The following DLGAP1 variants were observed in gnomAD, a reference collection of about 807,000 sequenced individuals.
DLGAP1 encodes the protein DLG associated protein 1.
A neutral mutation model predicts 90.8 loss-of-function variants in DLGAP1; 11 were observed. The observed-to-expected ratio is 0.12, with a 90% CI of 0.08 to 0.20. DLGAP1 has a LOEUF of 0.20. Ranked by LOEUF, DLGAP1 falls within the 10% of genes least tolerant of loss-of-function variation. The pLI is 1.00. For synonymous variants in DLGAP1, 558 were observed against 540.7 expected (o/e 1.03, Z -0.44); for missense variants, 1,050 against 1,333.8 (o/e 0.79, Z 3.31).
intron 7 of DLGAP1, among the ~76,000 whole-genome samples, chr18:3,601,045 T>TAG (rs1568280587): frequency 8.9e-5 from 13 of 145,718 alleles, no homozygotes; most frequent in African/African-American, 3.3e-4. Context: ...GAGATAAAGA[T>TAG]ATAGATAGAT....
intron 1 of DLGAP1, among the ~76,000 whole-genome samples, chr18:4,420,910 G>A (rs1284062613): frequency 1.3e-5 from 2 of 152,086 alleles, no homozygotes; most frequent in Non-Finnish European, 2.9e-5. Context: ...GGTACCCTTA[G>A]TATCTCTCTT....
At chr18:4,099,270 GTCTATCTA>G (rs145071677) in intron 2 of DLGAP1, among the ~76,000 whole-genome samples, 25 of 148,010 alleles carry the variant, frequency 1.7e-4, no homozygotes, top group Non-Finnish European at 2.7e-4. Context: ...CTGTCTGTCT[GTCTATCTA>G]TCTATCTATC....
At chr18:4,336,289 T>C (rs1371353858) in intron 1 of DLGAP1, among the ~76,000 whole-genome samples, 1 of 152,218 alleles carries the variant, frequency 6.6e-6, no homozygotes, top group Non-Finnish European at 1.5e-5. Flanking sequence ...CCCAGAAATC[T>C]AATGTGGTCC....
chr18:3,750,783 G>T (rs781693980), intron 5 of DLGAP1, among the ~76,000 whole-genome samples: 8 of 152,060 alleles, frequency 5.3e-5, no homozygotes, highest in African/African-American at 1.9e-4. Context: ...GCATGCCCTC[G>T]CAAGTTTCAT....
chr18:3,742,425 C>T lies in DLGAP1; in HGVS notation c.1260G>A (p.Leu420=). ...AVSEVSINRS[L]DSLDPAGLLT... is the part of the protein sequence containing the mutation. ...GCAAGCCTGCAGGGTCCAGGCTGTC[C>T]AGGCTCCGGTTGATGGAGACTTCAC... is the stretch of plus-strand genomic sequence containing the variant. The change falls in exon 6 of 13, where the codon CTG becomes CTA. Residue 420 remains leucine, a synonymous_variant. Transcript: ENST00000315677. 1 of 1,614,172 alleles carries T rather than the reference C, an allele frequency of 6.2e-7. No homozygotes were observed. Among genetic ancestry groups the T allele is most frequent in the Non-Finnish European group, 8.5e-7 (1 of 1,180,036 alleles).
At chr18:4,021,281 G>A (rs2074604288) in intron 2 of DLGAP1, among the ~76,000 whole-genome samples, 1 of 152,182 alleles carries the variant, frequency 6.6e-6, no homozygotes, top group Non-Finnish European at 1.5e-5. Flanking sequence ...CTGGTGGGAG[G>A]TACTTGGGTC....
At chr18:3,567,066 A>ATTCT in intron 9 of DLGAP1, among the ~76,000 whole-genome samples, 1 of 144,222 alleles carries the variant, frequency 6.9e-6, no homozygotes, top group East Asian at 2.0e-4. Context: ...TCATTCATTC[A>ATTCT]TTCATCATTC....
chr18:3,551,580 CTTTTCTTTCTTTCTTTTTCT>C (rs1260907221), intron 9 of DLGAP1, among the ~76,000 whole-genome samples: 1 of 148,536 alleles, frequency 6.7e-6, no homozygotes, highest in Non-Finnish European at 1.5e-5. Flanking sequence ...GAACACTTTT[CTTTTCTTTCTTTCTTTTTCT>C]TTTTCTTTCT....
At chr18:3,988,178 G>T (rs776002219) in intron 3 of DLGAP1, among the ~76,000 whole-genome samples, 1 of 151,720 alleles carries the variant, frequency 6.6e-6, no homozygotes, top group African/African-American at 2.4e-5. Flanking sequence ...ATCTCATTTT[G>T]GTTGCTGTCA....
intron 1 of DLGAP1, among the ~76,000 whole-genome samples, chr18:4,432,169 G>A (rs2083297003): frequency 1.3e-5 from 2 of 152,142 alleles, no homozygotes; most frequent in Admixed American, 1.3e-4. Flanking sequence ...TTTATAAGTG[G>A]TGAGGAAAAG....
At chr18:4,195,858 A>AC (rs2077488616) in intron 1 of DLGAP1, among the ~76,000 whole-genome samples, 1 of 152,042 alleles carries the variant, frequency 6.6e-6, no homozygotes, top group Non-Finnish European at 1.5e-5. Flanking sequence ...CGGCCTGACT[A>AC]CTTTTTTGAG....
intron 5 of DLGAP1, chr18:3,774,505 G>C (rs1288724150): frequency 6.6e-6 from 1 of 152,366 alleles, no homozygotes; most frequent in African/African-American, 2.4e-5. Flanking sequence ...TCATGGAAAG[G>C]TGACATATTC....
intron 2 of DLGAP1, among the ~76,000 whole-genome samples, chr18:4,033,081 G>A (rs961521635): frequency 6.6e-6 from 1 of 152,108 alleles, no homozygotes; most frequent in Non-Finnish European, 1.5e-5. Context: ...ATTTCCATTA[G>A]ATTGGAAGGT....
rs533231854 is a variant in DLGAP1, at chr18:3,955,331, C to A, written c.-73+49785G>T. On this transcript the variant is annotated intron_variant, in intron 3 of 12. Transcript: ENST00000315677. ...TCCAAGGGACTTAACTGTATCAGAA[C>A]AAAACATAAGAATATTTATAGGAAT... Among the ~76,000 whole-genome samples the A allele has an allele frequency of 2.0e-5, 3 of 152,254 alleles. No homozygotes were observed. The South Asian group carries it at 6.2e-4, about 32-fold the overall frequency.
chr18:3,761,790 G>C (rs2063978175), intron 5 of DLGAP1, among the ~76,000 whole-genome samples: 1 of 152,094 alleles, frequency 6.6e-6, no homozygotes. Context: ...TGGCTAGGCT[G>C]GTCCCAAACT....
chr18:3,995,554 C>T (rs561001811), intron 3 of DLGAP1: 7 of 152,062 alleles, frequency 4.6e-5, no homozygotes, highest in African/African-American at 1.4e-4. Context: ...TGCATGTGGG[C>T]CACGTAACTT....
chr18:4,169,756 G>A (rs1004461549), intron 1 of DLGAP1, among the ~76,000 whole-genome samples: 1 of 152,180 alleles, frequency 6.6e-6, no homozygotes, highest in African/African-American at 2.4e-5. Context: ...GCAGAGCACC[G>A]AGTCTAGTTC....
chr18:3,801,965 GTTTT>G (rs2066316363), intron 5 of DLGAP1, among the ~76,000 whole-genome samples: 1 of 103,822 alleles, frequency 9.6e-6, no homozygotes, highest in African/African-American at 3.0e-5. Context: ...GGCCATCTGT[GTTTT>G]TGTTTGTTTG....
intron 3 of DLGAP1, among the ~76,000 whole-genome samples, chr18:3,908,686 T>G (rs60094540): frequency 0.011 from 1,612 of 152,302 alleles, 28 homozygotes; most frequent in African/African-American, 0.036. Context: ...ACAAATATAC[T>G]TTTTCTCCAT....
Sources: allele counts gnomAD v4.1 joint callset (sites outside exome capture counted in the v4.1 genomes callset), GRCh38; gene constraint gnomAD v4.1.1; transcripts MANE v1.5; gene names NCBI Gene and HGNC (gene_info 2026-07-23, HGNC 2026-07-21).